The following PTPRT variants were observed in gnomAD, a reference collection of about 807,000 sequenced individuals.
The protein encoded by PTPRT is protein tyrosine phosphatase receptor type T, also known as receptor-type tyrosine-protein phosphatase T.
In PTPRT, 56 loss-of-function variants were observed where a neutral mutation model predicts 176.8. The ratio of observed to expected loss-of-function variants is 0.32; its 90% CI spans 0.26 to 0.40. The LOEUF (loss-of-function observed/expected upper bound fraction) is 0.40. PTPRT is among the 10% of genes least tolerant of loss of function. The probability of loss-of-function intolerance (pLI) is 1.00; values close to 1 mark genes in which losing one functional copy is unlikely to be tolerated. For synonymous variants in PTPRT, 783 were observed against 739.0 expected, an observed-to-expected ratio of 1.06 and a Z score of -0.96; for missense variants, 1,540 against 1,908.2, an observed-to-expected ratio of 0.81 and a Z score of 3.60.
chr20:42,541,851 T>C (rs889645200), intron 7 of PTPRT, among the ~76,000 whole-genome samples: 1 of 149,942 alleles, frequency 6.7e-6, no homozygotes, highest in African/African-American at 2.5e-5. Context: ...ATTAAAATTT[T>C]AAAAAAATCT....
chr20:42,784,149 G>A (rs1232857146), intron 3 of PTPRT, among the ~76,000 whole-genome samples: 4 of 152,196 alleles, frequency 2.6e-5, no homozygotes, highest in Admixed American at 6.5e-5. Flanking sequence ...ATGACTACTT[G>A]TGCAAAGCCA....
At chr20:42,739,112 G>C (rs2076573460) in intron 6 of PTPRT, among the ~76,000 whole-genome samples, 1 of 152,162 alleles carries the variant, frequency 6.6e-6, no homozygotes, top group Non-Finnish European at 1.5e-5. Flanking sequence ...ATTGCTTGCT[G>C]TCCTCAATCA....
intron 1 of PTPRT, among the ~76,000 whole-genome samples, chr20:42,909,732 A>C (rs1006232696): frequency 1.3e-5 from 2 of 152,224 alleles, no homozygotes; most frequent in Non-Finnish European, 2.9e-5. Flanking sequence ...TCACCTTTCT[A>C]ACATCAGACC....
chr20:42,833,277 A>G (rs1235352904), intron 2 of PTPRT, among the ~76,000 whole-genome samples: 4 of 151,440 alleles, frequency 2.6e-5, no homozygotes, highest in Admixed American at 2.6e-4. Flanking sequence ...TAAAAGAAAA[A>G]AAAAAAAACT....
At chr20:42,757,617 C>G (rs1009719572) in intron 5 of PTPRT, among the ~76,000 whole-genome samples, 7 of 152,246 alleles carry the variant, frequency 4.6e-5, no homozygotes, top group African/African-American at 1.7e-4. Flanking sequence ...ATGTATGATA[C>G]AAACTTTCCA....
chr20:42,659,249 C>A (rs1325250316), intron 7 of PTPRT, among the ~76,000 whole-genome samples: 1 of 152,188 alleles, frequency 6.6e-6, no homozygotes, highest in African/African-American at 2.4e-5. Context: ...GCTCATATGA[C>A]AGCTTTAATA....
intron 1 of PTPRT, among the ~76,000 whole-genome samples, chr20:43,110,965 G>C (rs1355637712): frequency 6.6e-6 from 1 of 152,154 alleles, no homozygotes; most frequent in South Asian, 2.1e-4. Flanking sequence ...ATGTGGGTGG[G>C]GGGAGAGAAA....
At chr20:42,975,119 A>G (rs1600612565) in intron 1 of PTPRT, among the ~76,000 whole-genome samples, 1 of 152,204 alleles carries the variant, frequency 6.6e-6, no homozygotes, top group Admixed American at 6.5e-5. Context: ...CACAAAGGAC[A>G]AGAGATTAAA....
chr20:42,774,982 C>T (rs2077114199), intron 4 of PTPRT, among the ~76,000 whole-genome samples: 1 of 152,198 alleles, frequency 6.6e-6, no homozygotes, highest in African/African-American at 2.4e-5. Flanking sequence ...TGTCACCTTC[C>T]CCCAGCATCT....
Position 42,074,041 on chromosome 20 carries a change from G to A in PTPRT, c.*6838C>T, listed in dbSNP as rs3810508. The A allele has an allele frequency of 4.1e-4, 94 of 230,258 alleles. 1 individual carries two copies. The East Asian group carries it at 5.8e-3, about 14-fold the overall frequency. 14.3% of individuals were successfully genotyped at this position (230,258 alleles called of 1,614,324 possible). A position where few individuals can be genotyped will look rare whatever the true frequency, so the allele number is the denominator to read the frequency against. ...AGGAGTGACCTGGGTCTAGCAAACT[G>A]TGCTTGACTTCATCCAAGAATCTGC... On this transcript the variant is annotated 3_prime_UTR_variant, in exon 31 of 31. Transcript: ENST00000373187.
intron 2 of PTPRT, among the ~76,000 whole-genome samples, chr20:42,859,586 A>AT (rs374358348): frequency 0.011 from 1,421 of 127,596 alleles, 39 homozygotes; most frequent in African/African-American, 0.023. Flanking sequence ...TTTTTTTTTA[A>AT]TTTTTTTTTT....
intron 18 of PTPRT, among the ~76,000 whole-genome samples, chr20:42,131,140 C>T (rs1988104496): frequency 6.6e-6 from 1 of 152,192 alleles, no homozygotes; most frequent in Admixed American, 6.5e-5. Flanking sequence ...AGGCATCTCA[C>T]AGGCACTACA....
chr20:42,192,896 G>T (rs1991054996), intron 16 of PTPRT, among the ~76,000 whole-genome samples: 1 of 152,194 alleles, frequency 6.6e-6, no homozygotes, highest in African/African-American at 2.4e-5. Flanking sequence ...GAACCTGTCT[G>T]TGCGTACATC....
Position 42,220,037 on chromosome 20 carries a change from T to TTA in PTPRT, c.2342+16190_2342+16191dup, listed in dbSNP as rs71335848. Among the ~76,000 whole-genome samples the TTA allele has an allele frequency of 5.1e-4, 60 of 116,668 alleles. 1 individual carries two copies. The highest frequency in any genetic ancestry group is 1.3e-3 in the East Asian group (3 of 2,336). 76.5% of individuals were successfully genotyped at this position (116,668 alleles called of 152,430 possible). A position where few individuals can be genotyped will look rare whatever the true frequency, so the allele number is the denominator to read the frequency against. ...CTATTTTCTTATCTTTTTAAAAAAG[T>TTA]TATATATATATATATTTTTCAACAT... On this transcript the variant is annotated intron_variant, in intron 15 of 30. Transcript: ENST00000373187.
intron 1 of PTPRT, among the ~76,000 whole-genome samples, chr20:43,179,665 C>A (rs2015201361): frequency 6.6e-6 from 1 of 152,238 alleles, no homozygotes. Flanking sequence ...TAAATCCCTT[C>A]TGAGACACTA....
intron 1 of PTPRT, among the ~76,000 whole-genome samples, chr20:43,033,631 T>TA (rs1221297278): frequency 6.6e-6 from 1 of 152,044 alleles, no homozygotes; most frequent in Admixed American, 6.5e-5. Flanking sequence ...AAAAGATGAG[T>TA]AAATGCACAA....
rs78913659 is a variant in PTPRT, at chr20:42,630,789, A to G, written c.1153+47077T>C. On this transcript the variant is annotated intron_variant, in intron 7 of 30. Transcript: ENST00000373187. The stretch of plus-strand genomic sequence containing the variant: ...TGCAGGCCTAAGTGAATTCACAATG[A>G]CCATCATGACATCATGTCTGTTGTT... 5.1e-3 allele frequency among the ~76,000 whole-genome samples: 784 copies of G among 152,248 alleles called. 10 individuals carry two copies. Among genetic ancestry groups the G allele is most frequent in the African/African-American group, 0.018 (757 of 41,528 alleles).
intron 1 of PTPRT, among the ~76,000 whole-genome samples, chr20:43,137,676 C>T (rs925432900): frequency 2.0e-5 from 3 of 152,172 alleles, no homozygotes; most frequent in African/African-American, 7.2e-5. Flanking sequence ...CTTCCCCCAA[C>T]GCTATAGTGG....
intron 1 of PTPRT, among the ~76,000 whole-genome samples, chr20:43,143,234 G>A (rs555606319): frequency 2.2e-4 from 33 of 152,266 alleles, no homozygotes; most frequent in African/African-American, 7.9e-4. Context: ...TTAGACAAAG[G>A]TAAGTGGTGC....
Sources: gnomAD v4.1 joint callset for allele counts (sites outside exome capture counted in the v4.1 genomes callset) on GRCh38, gnomAD v4.1.1 for gene constraint, MANE v1.5 for transcripts, NCBI Gene and HGNC (gene_info 2026-07-23, HGNC 2026-07-21) for gene names.